The following DNAH11 variants were observed in gnomAD, a reference collection of about 807,000 sequenced individuals.
DNAH11 encodes the protein dynein axonemal heavy chain 11.
A neutral mutation model predicts 526.0 loss-of-function variants in DNAH11; 442 were observed. The ratio of observed to expected loss-of-function variants is 0.84; its 90% CI spans 0.78 to 0.91. The LOEUF is 0.91. Ranked by LOEUF, DNAH11 falls within the 40% of genes least tolerant of loss-of-function variation. DNAH11 has a pLI of 0.00. For missense variants in DNAH11, 6,989 were observed against 5,448.7 expected (o/e 1.28, Z -8.90); for synonymous variants, 2,461 against 1,935.9 (o/e 1.27, Z -7.12).
intron 38 of DNAH11, among the ~76,000 whole-genome samples, chr7:21,705,199 AT>A (rs1784217622): frequency 6.6e-6 from 1 of 152,200 alleles, no homozygotes; most frequent in African/African-American, 2.4e-5. Context: ...AGAGTTAATG[AT>A]TTTTGTAAGT....
At chr7:21,596,982 G>A (rs1784886426) in intron 14 of DNAH11, among the ~76,000 whole-genome samples, 2 of 152,314 alleles carry the variant, frequency 1.3e-5, no homozygotes, top group South Asian at 4.1e-4. Flanking sequence ...GAGGAACATG[G>A]TTTGGGGAAA....
intron 30 of DNAH11, among the ~76,000 whole-genome samples, chr7:21,674,736 C>T (rs1463822128): frequency 6.6e-6 from 1 of 152,030 alleles, no homozygotes; most frequent in African/African-American, 2.4e-5. Context: ...ACATCTCTCT[C>T]CTGAAGCACA....
At chr7:21,784,120 A>G (rs1554280643) in intron 57 of DNAH11, among the ~76,000 whole-genome samples, 1 of 152,220 alleles carries the variant, frequency 6.6e-6, no homozygotes, top group Non-Finnish European at 1.5e-5. Flanking sequence ...AGAACAGAGG[A>G]ATCACTTAAT....
chr7:21,719,829 C>T (rs572112980), intron 43 of DNAH11, among the ~76,000 whole-genome samples: 1 of 152,268 alleles, frequency 6.6e-6, no homozygotes, highest in South Asian at 2.1e-4. Flanking sequence ...GAAAATCTAT[C>T]GTTGCCTGCA....
intron 61 of DNAH11, among the ~76,000 whole-genome samples, chr7:21,792,004 A>G (rs376768484): frequency 2.0e-5 from 3 of 152,154 alleles, no homozygotes; most frequent in East Asian, 3.9e-4. Context: ...ACTTTCAACC[A>G]TGGCAGAAAG....
chr7:21,868,766 C>A, intron 72 of DNAH11, 98 bp from the exon 73 acceptor site: 1 of 1,457,664 alleles, frequency 6.9e-7, no homozygotes, highest in Non-Finnish European at 9.3e-7. Context: ...CAGAAGATGG[C>A]TGCGGTGACC....
intron 61 of DNAH11, among the ~76,000 whole-genome samples, chr7:21,793,939 C>T (rs1007814212): frequency 6.6e-6 from 1 of 152,132 alleles, no homozygotes; most frequent in African/African-American, 2.4e-5. Flanking sequence ...TCTCTGTAGA[C>T]ATTTGTTTGT....
At chr7:21,857,571 G>C (rs1486852675) in intron 68 of DNAH11, among the ~76,000 whole-genome samples, 1 of 151,800 alleles carries the variant, frequency 6.6e-6, no homozygotes, top group Non-Finnish European at 1.5e-5. Flanking sequence ...TACAATTTCT[G>C]ATTTTAAGAC....
chr7:21,628,770 T>C (rs953112901), intron 25 of DNAH11, among the ~76,000 whole-genome samples: 5 of 152,126 alleles, frequency 3.3e-5, no homozygotes, highest in African/African-American at 1.2e-4. Context: ...TGTGTCCTTT[T>C]CTGCTTTTGG....
chr7:21,874,079 C>T (rs2128039100), intron 74 of DNAH11, among the ~76,000 whole-genome samples: 1 of 152,040 alleles, frequency 6.6e-6, no homozygotes, highest in Middle Eastern at 3.4e-3. Context: ...ACATGAGCCA[C>T]CGCGCCTGGC....
rs371049362 is a variant in DNAH11, at chr7:21,655,851, A to T, written c.4964A>T (p.Lys1655Ile). The change falls in exon 29 of 82, where the codon AAA (lysine) becomes ATA (isoleucine). Residue 1655 changes from lysine to isoleucine, a missense_variant. By Grantham distance (102) the Lys-to-Ile change is moderately radical. Coordinates refer to ENST00000409508, the MANE Select transcript of DNAH11 (RefSeq NM_001277115.2). ...QPKQVTCHLA[K>I]LFDSIADLQF... ...TTTTAGGTAACATGTCACCTTGCCA[A>T]ACTTTTCGACAGCATTGCAGATCTG... is the stretch of plus-strand genomic sequence containing the variant. 3.1e-6 allele frequency: 5 copies of T among 1,613,158 alleles called. No homozygotes were observed. The Admixed American group carries it at 8.3e-5, about 27-fold the overall frequency.
chr7:21,609,239 A>G (rs551311033), intron 20 of DNAH11, among the ~76,000 whole-genome samples: 1 of 151,738 alleles, frequency 6.6e-6, no homozygotes, highest in African/African-American at 2.4e-5. Context: ...TTTCTTTGAC[A>G]GAGTCTCGCT....
chr7:21,708,801 T>C (rs1441585529), intron 40 of DNAH11, among the ~76,000 whole-genome samples: 2 of 152,198 alleles, frequency 1.3e-5, no homozygotes, highest in Non-Finnish European at 2.9e-5. Flanking sequence ...CTCCCTTATC[T>C]TATTTCAGCA....
intron 28 of DNAH11, among the ~76,000 whole-genome samples, chr7:21,643,728 A>C (rs1030591798): frequency 1.3e-5 from 2 of 152,256 alleles, no homozygotes; most frequent in South Asian, 4.1e-4. Context: ...ATACAGATGT[A>C]GCATTTTCAG....
Position 21,660,743 on chromosome 7 carries a change from G to A in DNAH11, c.5328+1712G>A, listed in dbSNP as rs191372670. 2.3e-3 allele frequency among the ~76,000 whole-genome samples: 349 copies of A among 151,898 alleles called. 5 individuals are homozygous for A. The South Asian group carries it at 0.03, about 13-fold the overall frequency. On this transcript the variant is annotated intron_variant, in intron 30 of 81. Coordinates refer to ENST00000409508, the MANE Select transcript of DNAH11 (RefSeq NM_001277115.2). ...TATAGGTATAAACATGTATAAATCT[G>A]TAGCTATTTATATATAAGTGTAATT...
chr7:21,766,711 C>CAA (rs11288151), intron 55 of DNAH11, among the ~76,000 whole-genome samples: 154 of 137,878 alleles, frequency 1.1e-3, no homozygotes, highest in African/African-American at 1.8e-3. Context: ...TTTGCTTCTA[C>CAA]AAAAAAAAAA....
At position 21,744,868 on chromosome 7, in the gene DNAH11, A is replaced by G. The variant is rs761800570; in HGVS notation, c.8317-2A>G. On this transcript the variant is annotated splice_acceptor_variant, in intron 50 of 81. Coordinates refer to ENST00000409508, the MANE Select transcript of DNAH11 (RefSeq NM_001277115.2). LOFTEE classifies it high-confidence loss of function. ...CATATTTTTCTCTTTCTCATCCTGCAGGGTATAGATAGTCACATGCTGCTT... is the reference window on the plus strand; with the variant it reads ...CATATTTTTCTCTTTCTCATCCTGCGGGGTATAGATAGTCACATGCTGCTT... 5.0e-6 allele frequency: 8 copies of G among 1,604,880 alleles called. No individual in the cohort carries two copies. Among genetic ancestry groups the G allele is most frequent in the Non-Finnish European group, 6.8e-6 (8 of 1,176,120 alleles).
At chr7:21,605,705 G>A (rs2128448647) in intron 18 of DNAH11, among the ~76,000 whole-genome samples, 1 of 152,278 alleles carries the variant, frequency 6.6e-6, no homozygotes, top group African/African-American at 2.4e-5. Flanking sequence ...CATTTTCAAA[G>A]CATCTTTTTT....
At position 21,545,034 on chromosome 7, in the gene DNAH11, T is replaced by C. The variant is rs1583469159; in HGVS notation, c.380T>C (p.Val127Ala). Residue 127 changes from valine to alanine, a missense_variant, in exon 2 of 82, where the codon GTT becomes GCT. Physicochemically the swap from Val to Ala is moderately conservative, Grantham distance 64. Transcript: ENST00000409508. ...CCAAGAGATGCAAACCATAAACTTG[T>C]TTTTATTTCCAAGAAGATTACTGAA... Reference protein sequence around the residue: ...EIPRDANHKLVFISKKITESI... With the variant: ...EIPRDANHKLAFISKKITESI... 6.3e-7 allele frequency: 1 copy of C among 1,595,060 alleles called. No individual in the cohort carries two copies. Among genetic ancestry groups the C allele is most frequent in the Non-Finnish European group, 8.5e-7 (1 of 1,170,278 alleles).
Sources: allele counts gnomAD v4.1 joint callset (sites outside exome capture counted in the v4.1 genomes callset), GRCh38; gene constraint gnomAD v4.1.1; transcripts MANE v1.5; gene names NCBI Gene and HGNC (gene_info 2026-07-23, HGNC 2026-07-21).